CHODL: variants seen among roughly 807,000 people sequenced by gnomAD.
CHODL encodes the protein chondrolectin.
CHODL carries 29 observed loss-of-function variants against 34.5 expected under a neutral mutation model. The observed-to-expected ratio is 0.84, with a 90% CI of 0.63 to 1.15. CHODL has a LOEUF of 1.15. Ranked by LOEUF, CHODL falls within the 50% of genes most tolerant of loss-of-function variation. The probability of loss-of-function intolerance (pLI) is 0.00; values close to 1 mark genes in which losing one functional copy is unlikely to be tolerated. For missense variants in CHODL, 332 were observed against 332.5 expected (o/e 1.00, Z 0.01); for synonymous variants, 125 against 116.1 (o/e 1.08, Z -0.49).
At chr21:18,052,643 A>G (rs1173222205) in intron 2 of CHODL, among the ~76,000 whole-genome samples, 1 of 151,936 alleles carries the variant, frequency 6.6e-6, no homozygotes, top group Non-Finnish European at 1.5e-5. Context: ...TTGGGTTTCC[A>G]TGTGCCTCTA....
intron 1 of CHODL, among the ~76,000 whole-genome samples, chr21:17,944,163 C>G (rs1233856361): frequency 6.6e-6 from 1 of 152,102 alleles, no homozygotes; most frequent in East Asian, 1.9e-4. Context: ...TGGATCTCAG[C>G]AAAGCAAAGG....
At position 17,955,939 on chromosome 21, in the gene CHODL, A is replaced by G. The variant is rs1478692538; in HGVS notation, c.-145+38539A>G. ...TTCAGAAATATATTAAAGCCCATCT[A>G]TCTGTTTGACTGAATGCCTTGATCC... On this transcript the variant is annotated intron_variant, in intron 1 of 6. Transcript: ENST00000400127. Among the ~76,000 whole-genome samples, 2 of 137,104 alleles carry G rather than the reference A, an allele frequency of 1.5e-5. 1 individual carries two copies. The highest frequency in any genetic ancestry group is 3.3e-5 in the Non-Finnish European group (2 of 60,294). The allele number at this position is 137,104 out of a possible 152,430, so 89.9% of individuals were successfully genotyped here.
intron 2 of CHODL, among the ~76,000 whole-genome samples, chr21:18,113,550 G>A (rs372872161): frequency 1.3e-4 from 20 of 152,144 alleles, no homozygotes; most frequent in East Asian, 1.9e-4. Flanking sequence ...GGCACATCCC[G>A]CATGGCTGGA....
intron 1 of CHODL, among the ~76,000 whole-genome samples, chr21:18,003,673 T>C (rs899771976): frequency 6.6e-6 from 1 of 152,202 alleles, no homozygotes; most frequent in East Asian, 1.9e-4. Flanking sequence ...TCCTTTTTTT[T>C]CCTGTTTCTT....
chr21:18,030,352 T>C (rs1463736445), intron 2 of CHODL, among the ~76,000 whole-genome samples: 1 of 152,158 alleles, frequency 6.6e-6, no homozygotes, highest in African/African-American at 2.4e-5. Flanking sequence ...TGTTAACTCA[T>C]GTGAGTGAGC....
intron 2 of CHODL, among the ~76,000 whole-genome samples, chr21:18,150,138 T>A (rs2072945814): frequency 6.6e-6 from 1 of 152,160 alleles, no homozygotes; most frequent in South Asian, 2.1e-4. Context: ...GGCTGACAAT[T>A]GGTTGAGTTT....
chr21:18,150,621 C>G (rs2072952281), intron 2 of CHODL, among the ~76,000 whole-genome samples: 1 of 152,104 alleles, frequency 6.6e-6, no homozygotes, highest in South Asian at 2.1e-4. Context: ...GGGCACTGCT[C>G]CCATTCAGGG....
At chr21:17,919,555 C>G (rs139094927) in intron 1 of CHODL, among the ~76,000 whole-genome samples, 9 of 152,168 alleles carry the variant, frequency 5.9e-5, no homozygotes, top group African/African-American at 1.9e-4. Flanking sequence ...GTCTGGCCCA[C>G]GAAACCATTT....
At chr21:18,241,725 C>T (rs139384814), upstream of CHODL, among the ~76,000 whole-genome samples, 1 of 152,044 alleles carries the variant, frequency 6.6e-6, no homozygotes, top group Non-Finnish European at 1.5e-5. Context: ...TGAAGGAGTT[C>T]GTGATATATT....
At chr21:18,119,020 TA>T (rs1456340873) in intron 2 of CHODL, among the ~76,000 whole-genome samples, 1 of 152,196 alleles carries the variant, frequency 6.6e-6, no homozygotes, top group African/African-American at 2.4e-5. Context: ...TCTTTCCTTT[TA>T]TATGATATAT....
At chr21:18,078,641 G>A (rs1193272263) in intron 2 of CHODL, among the ~76,000 whole-genome samples, 6 of 151,966 alleles carry the variant, frequency 3.9e-5, no homozygotes, top group Admixed American at 1.3e-4. Context: ...TTCCCTATAT[G>A]GCTATGAGTT....
chr21:18,004,431 C>T (rs1308952847), intron 1 of CHODL, among the ~76,000 whole-genome samples: 1 of 152,188 alleles, frequency 6.6e-6, no homozygotes, highest in Non-Finnish European at 1.5e-5. Context: ...ACATCAGTTA[C>T]AACAGAAATA....
chr21:17,944,131 A>G (rs924652674), intron 1 of CHODL, among the ~76,000 whole-genome samples: 3 of 152,088 alleles, frequency 2.0e-5, no homozygotes, highest in Admixed American at 6.6e-5. Context: ...ACCCTGCCCA[A>G]TTAGGGAGAC....
At chr21:18,062,300 T>C (rs78624286) in intron 2 of CHODL, among the ~76,000 whole-genome samples, 2,063 of 152,234 alleles carry the variant, frequency 0.014, 48 homozygotes, top group African/African-American at 0.047. Context: ...CTCTGCTTCC[T>C]GTGTTGAAGT....
chr21:18,015,327 T>A (rs1045706558), intron 1 of CHODL, among the ~76,000 whole-genome samples: 2 of 152,162 alleles, frequency 1.3e-5, no homozygotes, highest in African/African-American at 2.4e-5. Flanking sequence ...CCTGTCACTG[T>A]GTGAAGATGT....
chr21:17,932,810 T>C (rs1419989577), intron 1 of CHODL, among the ~76,000 whole-genome samples: 2 of 152,036 alleles, frequency 1.3e-5, no homozygotes, highest in Non-Finnish European at 2.9e-5. Flanking sequence ...AGACAAAGTA[T>C]GGAGAAAGAA....
chr21:18,215,992 C>T (rs1208256397), intron 2 of CHODL, among the ~76,000 whole-genome samples: 2 of 151,946 alleles, frequency 1.3e-5, no homozygotes, highest in African/African-American at 4.8e-5. Context: ...AATTTTTTTC[C>T]TTTGGTATTA....
intron 2 of CHODL, among the ~76,000 whole-genome samples, chr21:18,112,451 A>T (rs571691920): frequency 1.1e-4 from 16 of 152,300 alleles, no homozygotes; most frequent in African/African-American, 3.4e-4. Flanking sequence ...GACCCAGAAT[A>T]GCCAAAGCTA....
At chr21:18,129,501 G>T (rs867390681) in intron 2 of CHODL, among the ~76,000 whole-genome samples, 1 of 152,132 alleles carries the variant, frequency 6.6e-6, no homozygotes, top group Non-Finnish European at 1.5e-5. Context: ...TGCAAGAGCC[G>T]CAGAGGAAAT....
Sources: allele counts gnomAD v4.1 joint callset (sites outside exome capture counted in the v4.1 genomes callset), GRCh38; gene constraint gnomAD v4.1.1; transcripts MANE v1.5; gene names NCBI Gene and HGNC (gene_info 2026-07-23, HGNC 2026-07-21).